Variants in QRSL1 observed in about 807,000 individuals in gnomAD.
QRSL1 encodes glutaminyl-tRNA amidotransferase subunit QRSL1.
Under a neutral mutation model 61.6 loss-of-function variants are expected in QRSL1, and 54 were observed. That is an observed-to-expected ratio of 0.88 (90% CI 0.70 to 1.10). QRSL1 has a LOEUF of 1.10. Among genes scored for constraint, QRSL1 ranks in the 50% least tolerant of loss-of-function variants. The pLI, the probability that QRSL1 is intolerant of heterozygous loss-of-function variation, is 0.00. For synonymous variants in QRSL1, 228 were observed against 225.7 expected (o/e 1.01, Z -0.09); for missense variants, 505 against 622.6 (o/e 0.81, Z 2.01).
At position 106,649,067 on chromosome 6, in the gene QRSL1, C is replaced by G. The variant is rs1454249751; in HGVS notation, c.423C>G (p.Pro141=). 1 of 1,613,962 alleles carries G rather than the reference C, an allele frequency of 6.2e-7. No homozygotes were observed. Among genetic ancestry groups the G allele is most frequent in the Non-Finnish European group, 8.5e-7 (1 of 1,179,988 alleles). ...GTGTATTTGGACCAGTTAAAAACCC[C>G]TGGAGTTATTCAAAACAATATAGAG... The part of the protein sequence containing the change: ...TDGVFGPVKN[P]WSYSKQYREK... The change falls in exon 5 of 11, where the codon CCC becomes CCG. Residue 141 remains proline, a synonymous_variant. Coordinates refer to ENST00000369046, the MANE Select transcript of QRSL1 (RefSeq NM_018292.5).
intron 10 of QRSL1, 114 bp from the exon 11 acceptor site, chr6:106,665,668 G>T (rs1582423888): frequency 2.4e-6 from 2 of 820,980 alleles, no homozygotes; most frequent in Admixed American, 2.1e-5. Context: ...TAATATTTTT[G>T]GTTGTTTTTT....
Position 106,647,649 on chromosome 6 carries a change from C to CTTTTT in QRSL1, c.381-1361_381-1357dup, listed in dbSNP as rs35122457. Among the ~76,000 whole-genome samples the CTTTTT allele has an allele frequency of 4.0e-4, 34 of 84,230 alleles. 2 individuals carry two copies. Among genetic ancestry groups the CTTTTT allele is most frequent in the Non-Finnish European group, 4.5e-4 (22 of 48,848 alleles). The allele number at this position is 84,230 out of a possible 152,430, so 55.3% of individuals were successfully genotyped here. On this transcript the variant is annotated intron_variant, in intron 4 of 10. Transcript: ENST00000369046. ...GAAGGAGATAAAATGCCATAAAGTA[C>CTTTTT]TTTTTTTTTTTTTTTTTTTGAGATG...
intron 4 of QRSL1, among the ~76,000 whole-genome samples, chr6:106,647,902 G>A (rs1338106147): frequency 1.2e-4 from 18 of 150,432 alleles, no homozygotes; most frequent in African/African-American, 4.1e-4. Context: ...CGCCCTCCTC[G>A]GCCTCCCAAA....
intron 1 of QRSL1, among the ~76,000 whole-genome samples, chr6:106,636,317 A>AC (rs1253406489): frequency 6.9e-6 from 1 of 145,224 alleles, no homozygotes; most frequent in Non-Finnish European, 1.5e-5. Flanking sequence ...CAGCTCTGCT[A>AC]CTTTTTTTTT....
At chr6:106,634,556 C>T (rs1045273177) in intron 1 of QRSL1, among the ~76,000 whole-genome samples, 1 of 152,182 alleles carries the variant, frequency 6.6e-6, no homozygotes. Flanking sequence ...TGTCTGAGCT[C>T]AGGAGTTCAA....
At chr6:106,642,287 C>T (rs1777032703) in intron 3 of QRSL1, among the ~76,000 whole-genome samples, 2 of 152,210 alleles carry the variant, frequency 1.3e-5, no homozygotes, top group Non-Finnish European at 2.9e-5. Context: ...AACTCCTAAC[C>T]TCAGGTGATC....
chr6:106,642,212 G>A (rs1451400100), intron 3 of QRSL1, among the ~76,000 whole-genome samples: 1 of 152,038 alleles, frequency 6.6e-6, no homozygotes, highest in Non-Finnish European at 1.5e-5. Flanking sequence ...TGCACCACCA[G>A]ACCCAGCTAA....
At chr6:106,654,651 C>T (rs1777239625) in intron 7 of QRSL1, 79 bp from the exon 8 acceptor site, 8 of 1,246,394 alleles carry the variant, frequency 6.4e-6, no homozygotes, top group Middle Eastern at 2.8e-4. Flanking sequence ...TTTATAAAAT[C>T]ATCTATACAG....
chr6:106,663,213 T>A (rs1330568348), intron 10 of QRSL1, 28 bp downstream of exon 10: 1 of 1,603,848 alleles, frequency 6.2e-7, no homozygotes. Context: ...ACATTCTGAT[T>A]TTCTTCAAAT....
Position 106,629,591 on chromosome 6 carries a change from G to A in QRSL1, c.-91G>A. On this transcript the variant is annotated 5_prime_UTR_variant, in exon 1 of 11. Transcript: ENST00000369046. ...GTTGAAGGGCTCAGTGACAATTAAA[G>A]ATGGCTGCGCCCATGTAACATCACT... 6.7e-7 allele frequency: 1 copy of A among 1,491,766 alleles called. No homozygotes were observed. Among genetic ancestry groups the A allele is most frequent in the South Asian group, 1.2e-5 (1 of 82,560 alleles). The allele number at this position is 1,491,766 out of a possible 1,614,324, so 92.4% of individuals were successfully genotyped here.
intron 4 of QRSL1, among the ~76,000 whole-genome samples, chr6:106,647,649 C>CT (rs35122457): frequency 0.45 from 37,161 of 82,990 alleles, 11,082 homozygotes; most frequent in East Asian, 0.75. Context: ...CCATAAAGTA[C>CT]TTTTTTTTTT....
intron 10 of QRSL1, 132 bp downstream of exon 10, chr6:106,663,317 T>C: frequency 1.3e-6 from 1 of 743,538 alleles, no homozygotes; most frequent in East Asian, 2.7e-5. Flanking sequence ...TAGGAGTGAG[T>C]GTGTGTGTAC....
At chr6:106,634,107 G>A (rs772367483) in intron 1 of QRSL1, among the ~76,000 whole-genome samples, 1 of 152,160 alleles carries the variant, frequency 6.6e-6, no homozygotes, top group African/African-American at 2.4e-5. Context: ...ACTTAATAGA[G>A]ACCAGAAGGG....
At chr6:106,629,896 C>T (rs1776780741) in intron 1 of QRSL1, among the ~76,000 whole-genome samples, 191 bp downstream of exon 1, 1 of 152,156 alleles carries the variant, frequency 6.6e-6, no homozygotes, top group Non-Finnish European at 1.5e-5. Context: ...AGGACCTTAG[C>T]AGGGAAATCT....
chr6:106,657,591 C>A (rs550986994), intron 9 of QRSL1, among the ~76,000 whole-genome samples: 8 of 152,066 alleles, frequency 5.3e-5, no homozygotes, highest in Non-Finnish European at 8.8e-5. Flanking sequence ...TGCTGGTATC[C>A]CTAGCTCCTG....
intron 4 of QRSL1, among the ~76,000 whole-genome samples, chr6:106,645,005 T>C (rs1582411470): frequency 1.3e-5 from 2 of 152,172 alleles, no homozygotes; most frequent in East Asian, 3.9e-4. Context: ...ATTATCCTTT[T>C]CTTGTTGAAT....
chr6:106,653,412 A>T (rs1433661423), intron 7 of QRSL1: 1 of 152,204 alleles, frequency 6.6e-6, no homozygotes, highest in Non-Finnish European at 1.5e-5. Context: ...ACAATCCCAC[A>T]ACCAAAAATG....
At chr6:106,643,179 A>C (rs1777049444) in intron 4 of QRSL1, 89 bp downstream of exon 4, 1 of 849,394 alleles carries the variant, frequency 1.2e-6, no homozygotes, top group Non-Finnish European at 1.9e-6. Context: ...TTGAGGATCT[A>C]ATGCCAGTTT....
chr6:106,642,209 C>T (rs569252580), intron 3 of QRSL1, among the ~76,000 whole-genome samples: 18 of 152,274 alleles, frequency 1.2e-4, no homozygotes, highest in Non-Finnish European at 2.1e-4. Context: ...GCATGCACCA[C>T]CAGACCCAGC....
Sources: gnomAD v4.1 joint callset for allele counts (sites outside exome capture counted in the v4.1 genomes callset) on GRCh38, gnomAD v4.1.1 for gene constraint, MANE v1.5 for transcripts, NCBI Gene and HGNC (gene_info 2026-07-23, HGNC 2026-07-21) for gene names.